MROH7: variants seen among roughly 807,000 people sequenced by gnomAD.
The protein encoded by MROH7 is maestro heat like repeat family member 7.
Under a neutral mutation model 129.2 loss-of-function variants are expected in MROH7, and 113 were observed. The ratio of observed to expected loss-of-function variants is 0.87; its 90% confidence interval spans 0.75 to 1.02. The LOEUF (loss-of-function observed/expected upper bound fraction) is 1.02. MROH7 is among the 50% of genes least tolerant of loss of function. MROH7 has a pLI of 0.00. For synonymous variants in MROH7, 655 were observed against 667.9 expected, an observed-to-expected ratio of 0.98 and a Z score of 0.30; for missense variants, 1,601 against 1,671.3, an observed-to-expected ratio of 0.96 and a Z score of 0.73.
At chr1:54,656,509 CAAAAA>C (rs33918860) in intron 3 of MROH7, among the ~76,000 whole-genome samples, 1 of 80,586 alleles carries the variant, frequency 1.2e-5, no homozygotes, top group Non-Finnish European at 2.4e-5. Context: ...GACTCCATCT[CAAAAA>C]AAAAAAAAAA....
intron 1 of MROH7, among the ~76,000 whole-genome samples, chr1:54,643,740 A>G (rs1300014038): frequency 6.6e-6 from 1 of 152,196 alleles, no homozygotes; most frequent in Non-Finnish European, 1.5e-5. Context: ...AAGGGTTACA[A>G]GAGGTGAATG....
chr1:54,652,821 C>T lies in MROH7; in HGVS notation c.-74-32C>T, dbSNP rs906509808. Reference sequence around the variant, plus strand: ...CCTGGAAAAGCCTTAACAGGTGTGGCATGGCTGCATTTGTCTTTTCTCTCT... The same window carrying T: ...CCTGGAAAAGCCTTAACAGGTGTGGTATGGCTGCATTTGTCTTTTCTCTCT... On this transcript the variant is annotated intron_variant, in intron 2 of 23. Transcript: ENST00000421030. 6 of 1,433,434 alleles carry T rather than the reference C, an allele frequency of 4.2e-6. No homozygotes were observed. In the African/African-American group the frequency reaches 7.1e-5, roughly 17 times the overall value. 88.8% of individuals were successfully genotyped at this position (1,433,434 alleles called of 1,614,324 possible).
chr1:54,649,214 G>T (rs146827592), intron 1 of MROH7, among the ~76,000 whole-genome samples: 348 of 152,354 alleles, frequency 2.3e-3, no homozygotes, highest in Middle Eastern at 0.01. Context: ...GGCCTGGAAG[G>T]GTTAATTGAG....
chr1:54,671,058 G>C (rs1644894441), intron 7 of MROH7, 129 bp downstream of exon 7: 3 of 1,059,910 alleles, frequency 2.8e-6, no homozygotes, highest in South Asian at 3.3e-5. Flanking sequence ...GGTCTGAGTA[G>C]GTACTTGATA....
chr1:54,670,305 C>CA (rs1364218895), intron 5 of MROH7, among the ~76,000 whole-genome samples, 192 bp from the exon 6 acceptor site: 3 of 152,114 alleles, frequency 2.0e-5, no homozygotes, highest in African/African-American at 4.8e-5. Context: ...TCTGCCTCTA[C>CA]AAAAAATAAA....
At chr1:54,650,945 A>T (rs1430380763) in intron 1 of MROH7, among the ~76,000 whole-genome samples, 3 of 152,004 alleles carry the variant, frequency 2.0e-5, no homozygotes, top group Admixed American at 6.6e-5. Context: ...GGCTGGTCTC[A>T]AACTCCTGGA....
intron 10 of MROH7, among the ~76,000 whole-genome samples, chr1:54,676,433 G>A (rs778972134): frequency 2.4e-4 from 37 of 151,558 alleles, no homozygotes; most frequent in Admixed American, 1.8e-3. Flanking sequence ...TTTTTGAGAT[G>A]GAGTGTAGCT....
rs200747195 is a variant in MROH7, at chr1:54,702,256, G to A, written c.3441+11G>A. 3.6e-5 allele frequency: 54 copies of A among 1,495,410 alleles called. No individual in the cohort carries two copies. The highest frequency in any genetic ancestry group is 8.9e-5 in the Admixed American group (4 of 45,062). The allele number at this position is 1,495,410 out of a possible 1,614,324, so 92.6% of individuals were successfully genotyped here. On this transcript the variant is annotated intron_variant, in intron 20 of 23. Coordinates refer to ENST00000421030, the MANE Select transcript of MROH7 (RefSeq NM_001039464.4). Reference sequence around the variant, plus strand: ...TCCAAGGTAAGCCAGGTGAGTGTGCGTGGGCCCTGCACCCTCTACCCCTCC... The same window carrying A: ...TCCAAGGTAAGCCAGGTGAGTGTGCATGGGCCCTGCACCCTCTACCCCTCC...
chr1:54,665,045 G>A (rs1644789378), intron 3 of MROH7, 122 bp from the exon 4 acceptor site: 2 of 669,146 alleles, frequency 3.0e-6, no homozygotes, highest in East Asian at 2.7e-5. Context: ...AGAAAGCTCA[G>A]TGTGGCTGCT....
chr1:54,652,385 G>T (rs1297673758), intron 2 of MROH7, among the ~76,000 whole-genome samples: 1 of 152,120 alleles, frequency 6.6e-6, no homozygotes, highest in Non-Finnish European at 1.5e-5. Context: ...TAAAGTAGAA[G>T]AGACTCCTCA....
At chr1:54,708,662 C>A (rs1645574593) in intron 22 of MROH7, among the ~76,000 whole-genome samples, 1 of 152,204 alleles carries the variant, frequency 6.6e-6, no homozygotes, top group African/African-American at 2.4e-5. Flanking sequence ...TCTTACATTA[C>A]TGCTCAAACT....
At chr1:54,673,942 A>G (rs540216345) in intron 9 of MROH7, 74 bp from the exon 10 acceptor site, 1 of 1,570,712 alleles carries the variant, frequency 6.4e-7, no homozygotes, top group African/African-American at 1.3e-5. Context: ...CAGACTATCC[A>G]CCGGTGTTCA....
chr1:54,676,581 GTC>G (rs1256590030), intron 10 of MROH7, among the ~76,000 whole-genome samples: 2 of 151,918 alleles, frequency 1.3e-5, no homozygotes, highest in African/African-American at 2.4e-5. Flanking sequence ...TTTTAATAGA[GTC>G]AGAGTTTTGC....
At chr1:54,663,698 A>AAC in intron 3 of MROH7, 1 of 378,458 alleles carries the variant, frequency 2.6e-6, no homozygotes, top group South Asian at 1.9e-5. Flanking sequence ...AAAAAAAAAA[A>AAC]AAACAAAAAA....
At chr1:54,677,898 A>G (rs71637864) in intron 10 of MROH7, among the ~76,000 whole-genome samples, 2 of 152,224 alleles carry the variant, frequency 1.3e-5, no homozygotes, top group Non-Finnish European at 2.9e-5. Context: ...AAGATAGTAA[A>G]CAAAATAAAC....
intron 1 of MROH7, among the ~76,000 whole-genome samples, chr1:54,644,203 G>T (rs1332983231): frequency 7.1e-6 from 1 of 140,544 alleles, no homozygotes; most frequent in East Asian, 2.1e-4. Flanking sequence ...TTTTGTTATT[G>T]TTCCACAGAT....
At chr1:54,681,388 A>C (rs1645066966) in intron 13 of MROH7, among the ~76,000 whole-genome samples, 1 of 152,216 alleles carries the variant, frequency 6.6e-6, no homozygotes, top group African/African-American at 2.4e-5. Context: ...CAGGGTCCCC[A>C]CAGGGACAAA....
Position 54,692,464 on chromosome 1 carries a change from G to A in MROH7, c.2752G>A (p.Gly918Ser), listed in dbSNP as rs975781765. The A allele has an allele frequency of 1.2e-6, 2 of 1,614,012 alleles. No homozygotes were observed. The highest frequency in any genetic ancestry group is 2.7e-5 in the African/African-American group (2 of 74,904). The change falls in exon 16 of 24, where the codon GGC becomes AGC. Residue 918 changes from glycine to serine, a missense_variant. Coordinates refer to ENST00000421030, the MANE Select transcript of MROH7 (RefSeq NM_001039464.4). ...KVVKTLLLRM[G>S]CSYETTFLED... The stretch of plus-strand genomic sequence containing the variant: ...GGTGAAAACCCTGCTACTGAGGATG[G>A]GCTGCTCTTATGAGACCACGTTTCT...
chr1:54,702,003 T>G, intron 19 of MROH7, 87 bp from the exon 20 acceptor site: 1 of 1,215,842 alleles, frequency 8.2e-7, no homozygotes, highest in Non-Finnish European at 1.1e-6. Flanking sequence ...GACCTAGGCT[T>G]GAGTGAGAGG....
Sources: gnomAD v4.1 joint callset for allele counts (sites outside exome capture counted in the v4.1 genomes callset) on GRCh38, gnomAD v4.1.1 for gene constraint, MANE v1.5 for transcripts, NCBI Gene and HGNC (gene_info 2026-07-23, HGNC 2026-07-21) for gene names.